The following PCDHGA1 variants were observed in gnomAD, a reference collection of about 807,000 sequenced individuals.
PCDHGA1 encodes protocadherin gamma-A1.
A neutral mutation model predicts 58.0 loss-of-function variants in PCDHGA1; 32 were observed. That is an observed-to-expected ratio of 0.55 (90% CI 0.42 to 0.74). PCDHGA1 has a LOEUF of 0.74. Among genes scored for constraint, PCDHGA1 ranks in the 30% least tolerant of loss-of-function variants. The pLI is 0.00. For missense variants in PCDHGA1, 1,205 were observed against 1,182.3 expected (o/e 1.02, Z -0.28); for synonymous variants, 498 against 501.1 (o/e 0.99, Z 0.08).
intron 1 of PCDHGA1, chr5:141,351,360 T>A: frequency 6.2e-7 from 1 of 1,613,050 alleles, no homozygotes; most frequent in Non-Finnish European, 8.5e-7. Context: ...CTCATAAAAG[T>A]GCGAGACAAG....
intron 1 of PCDHGA1, among the ~76,000 whole-genome samples, chr5:141,335,657 A>T (rs1483091642): frequency 1.3e-5 from 2 of 152,200 alleles, no homozygotes; most frequent in African/African-American, 4.8e-5. Flanking sequence ...CGTTCTGCAC[A>T]CAACAAATAT....
chr5:141,498,656 G>A (rs2154592341), intron 2 of PCDHGA1, among the ~76,000 whole-genome samples: 1 of 152,336 alleles, frequency 6.6e-6, no homozygotes, highest in Non-Finnish European at 1.5e-5. Context: ...ACCTGGCCAG[G>A]TGTGGTGGCT....
At chr5:141,460,425 G>A (rs953425058) in intron 1 of PCDHGA1, among the ~76,000 whole-genome samples, 3 of 152,114 alleles carry the variant, frequency 2.0e-5, no homozygotes. Flanking sequence ...TATGTATGGT[G>A]TATGGTGTGA....
intron 2 of PCDHGA1, among the ~76,000 whole-genome samples, chr5:141,502,908 C>G (rs1398336138): frequency 1.5e-5 from 2 of 132,418 alleles, no homozygotes; most frequent in Non-Finnish European, 3.0e-5. Flanking sequence ...TGTTGCCAGG[C>G]TGGAGTGCAG....
Position 141,486,817 on chromosome 5 carries a change from T to A in PCDHGA1, c.2422-7990T>A, listed in dbSNP as rs143638501. On this transcript the variant is annotated intron_variant, in intron 1 of 3. Transcript: ENST00000517417. The surrounding 1 kb of genome is among the most constrained non-coding windows in gnomAD (Gnocchi z 5.0). ...GGGGCAACCCACCCCTTAGCAGCAC[T>A]GTAACAGTTCGTCTATTTGTGCTGG... 1 of 1,614,102 alleles carries A rather than the reference T, an allele frequency of 6.2e-7. No homozygotes were observed. Among genetic ancestry groups the A allele is most frequent in the East Asian group, 2.2e-5 (1 of 44,898 alleles).
chr5:141,354,356 T>A (rs894470317), intron 1 of PCDHGA1, among the ~76,000 whole-genome samples: 1 of 152,218 alleles, frequency 6.6e-6, no homozygotes. Context: ...GAGAACACAT[T>A]GTGAACAAGA....
intron 1 of PCDHGA1, among the ~76,000 whole-genome samples, chr5:141,425,382 G>A (rs1455106607): frequency 1.3e-5 from 2 of 152,208 alleles, no homozygotes; most frequent in African/African-American, 4.8e-5. Context: ...TTGATTCGGA[G>A]GTAGTGATAA....
chr5:141,470,369 T>C (rs751264270), intron 1 of PCDHGA1, among the ~76,000 whole-genome samples: 2 of 152,226 alleles, frequency 1.3e-5, no homozygotes, highest in Non-Finnish European at 1.5e-5. Context: ...TTAGGTTGAA[T>C]GGAAAGACTA....
In PCDHGA1 at chr5:141,333,183, C is replaced by G. The variant is rs141913516; in HGVS notation, c.2421+78C>G. The G allele has an allele frequency of 9.0e-4, 1,441 of 1,594,238 alleles. 11 individuals are homozygous for G. The African/African-American group carries it at 0.016, about 18-fold the overall frequency. On this transcript the variant is annotated intron_variant, in intron 1 of 3. Coordinates refer to ENST00000517417, the MANE Select transcript of PCDHGA1 (RefSeq NM_018912.3). Reference sequence around the variant, plus strand: ...TTAACTTACTAGCGTTCGCTCTTTGCTACAGATAGTTCTTCTAACCCATGT... The same window carrying G: ...TTAACTTACTAGCGTTCGCTCTTTGGTACAGATAGTTCTTCTAACCCATGT...
intron 1 of PCDHGA1, chr5:141,362,158 C>T (rs767396512): frequency 7.4e-6 from 12 of 1,613,916 alleles, no homozygotes; most frequent in South Asian, 2.2e-5. Context: ...ATTGCCAGAC[C>T]TCAGCGACCG....
chr5:141,505,341 A>T, intron 2 of PCDHGA1, 52 bp from the exon 3 acceptor site: 1 of 1,612,728 alleles, frequency 6.2e-7, no homozygotes, highest in Non-Finnish European at 8.5e-7. Flanking sequence ...CAGGAGGGGC[A>T]TGAGCTGTGC....
At chr5:141,375,223 C>T in intron 1 of PCDHGA1, 4 of 1,613,982 alleles carry the variant, frequency 2.5e-6, no homozygotes, top group Non-Finnish European at 3.4e-6. Flanking sequence ...GCCTGAATGG[C>T]CTGGTAACCT....
Position 141,487,229 on chromosome 5 carries a change from G to A in PCDHGA1, c.2422-7578G>A. On this transcript the variant is annotated intron_variant, in intron 1 of 3. Coordinates refer to ENST00000517417, the MANE Select transcript of PCDHGA1 (RefSeq NM_018912.3). The surrounding 1 kb of genome is among the most constrained non-coding windows in gnomAD (Gnocchi z 5.0). ...AGAATCTTCAGCTCCAAGGGAAGGA[G>A]AATCTCGTCTAACCCTCTACTTGGC... is the stretch of plus-strand genomic sequence containing the variant. The A allele has an allele frequency of 6.2e-7, 1 of 1,614,138 alleles. No individual in the cohort carries two copies. The highest frequency in any genetic ancestry group is 8.5e-7 in the Non-Finnish European group (1 of 1,179,994).
rs575695102 is a variant in PCDHGA1 at position 141,421,063 on chromosome 5, G to C, written c.2422-73744G>C. 16 of 581,866 alleles carry C rather than the reference G, an allele frequency of 2.7e-5. No individual in the cohort carries two copies. The African/African-American group carries it at 2.9e-4, about 10-fold the overall frequency. 36.0% of individuals were successfully genotyped at this position (581,866 alleles called of 1,614,324 possible). A position where few individuals can be genotyped will look rare whatever the true frequency, so the allele number is the denominator to read the frequency against. ...CTCCCCCGCCTCTACCACACAAAGC[G>C]GAATGAGATGGATACTCACAGATCC... On this transcript the variant is annotated intron_variant, in intron 1 of 3. Coordinates refer to ENST00000517417, the MANE Select transcript of PCDHGA1 (RefSeq NM_018912.3).
intron 1 of PCDHGA1, chr5:141,419,727 C>G (rs1344063538): frequency 6.2e-7 from 1 of 1,613,582 alleles, no homozygotes; most frequent in Admixed American, 1.7e-5. Flanking sequence ...GGGCTGCGAA[C>G]AGGCGAGGTG....
At chr5:141,408,392 C>G in intron 1 of PCDHGA1, 1 of 1,614,002 alleles carries the variant, frequency 6.2e-7, no homozygotes, top group South Asian at 1.1e-5. Context: ...TGTGTCGGCT[C>G]GCAAGCTGCG....
At chr5:141,426,896 C>A in intron 1 of PCDHGA1, 1 of 456,782 alleles carries the variant, frequency 2.2e-6, no homozygotes, top group Non-Finnish European at 4.4e-6. Context: ...AGCAACAGAG[C>A]TCTCATCTCC....
chr5:141,389,930 C>G (rs1255366269), intron 1 of PCDHGA1: 1 of 1,614,064 alleles, frequency 6.2e-7, no homozygotes, highest in East Asian at 2.2e-5. Flanking sequence ...CCTCTGACCT[C>G]CAGGCTGAGC....
intron 1 of PCDHGA1, among the ~76,000 whole-genome samples, chr5:141,348,721 GGGA>G (rs1385553488): frequency 5.9e-5 from 9 of 152,260 alleles, no homozygotes; most frequent in South Asian, 4.1e-4. Flanking sequence ...ACAACAGAAA[GGGA>G]GGAGAAGTTC....
Sources: allele counts gnomAD v4.1 joint callset (sites outside exome capture counted in the v4.1 genomes callset), GRCh38; gene constraint gnomAD v4.1.1; non-coding constraint Gnocchi (gnomAD v3.1); transcripts MANE v1.5; gene names NCBI Gene and HGNC (gene_info 2026-07-23, HGNC 2026-07-21).